The following ZFHX3 variants were observed in gnomAD, a reference collection of about 807,000 sequenced individuals.
ZFHX3 encodes zinc finger homeobox 3.
ZFHX3 carries 42 observed loss-of-function variants against 279.1 expected under a neutral mutation model. The observed-to-expected ratio is 0.15, with a 90% CI of 0.12 to 0.19. The LOEUF is 0.19. Among genes scored for constraint, ZFHX3 ranks in the 10% least tolerant of loss-of-function variants. The probability of loss-of-function intolerance (pLI) is 1.00; values close to 1 mark genes in which losing one functional copy is unlikely to be tolerated. For synonymous variants in ZFHX3, 2,293 were observed against 1,957.8 expected (o/e 1.17, Z -4.52); for missense variants, 4,981 against 4,754.0 (o/e 1.05, Z -1.40).
intron 5 of ZFHX3, among the ~76,000 whole-genome samples, chr16:72,824,396 TTAA>T (rs2036881440): frequency 6.6e-6 from 1 of 152,122 alleles, no homozygotes; most frequent in Non-Finnish European, 1.5e-5. Context: ...TTTAAAAAAA[TTAA>T]TAAAGTAAAA....
chr16:72,931,880 C>T (rs1959829358), intron 3 of ZFHX3, among the ~76,000 whole-genome samples: 1 of 152,134 alleles, frequency 6.6e-6, no homozygotes, highest in Non-Finnish European at 1.5e-5. Context: ...AAGCTGTTCC[C>T]CCTTTTACGA....
At chr16:73,086,584 G>A (rs911941313) in intron 8 of ZFHX3, among the ~76,000 whole-genome samples, 2 of 152,086 alleles carry the variant, frequency 1.3e-5, no homozygotes, top group Non-Finnish European at 2.9e-5. Flanking sequence ...ATGGACTATC[G>A]TTAGCAATAA....
At chr16:73,442,329 T>C (rs77901089) in intron 3 of ZFHX3, among the ~76,000 whole-genome samples, 3,551 of 152,122 alleles carry the variant, frequency 0.023, 139 homozygotes, top group African/African-American at 0.08. Context: ...TTGTACTGTC[T>C]TTCCTTTGTC....
intron 5 of ZFHX3, among the ~76,000 whole-genome samples, chr16:73,213,349 C>T (rs759223267): frequency 6.6e-5 from 10 of 152,318 alleles, no homozygotes; most frequent in Middle Eastern, 6.8e-3. Context: ...CCAAGTTTTC[C>T]TTTCCTTCTC....
At chr16:72,924,945 C>T (rs915886665) in intron 3 of ZFHX3, among the ~76,000 whole-genome samples, 3 of 152,142 alleles carry the variant, frequency 2.0e-5, no homozygotes, top group African/African-American at 4.8e-5. Flanking sequence ...GACCCAAAAA[C>T]GGAGAAGGCA....
rs753797109 is a variant in ZFHX3 at position 72,795,623 on chromosome 16, C to T, written c.7059G>A (p.Lys2353=). The T allele has an allele frequency of 4.8e-5, 77 of 1,613,530 alleles. No homozygotes were observed. Among genetic ancestry groups the T allele is most frequent in the Non-Finnish European group, 6.4e-5 (76 of 1,179,824 alleles). The change falls in exon 9 of 10, where the codon AAG becomes AAA. Residue 2353 remains lysine, a synonymous_variant. Coordinates refer to ENST00000268489, the MANE Select transcript of ZFHX3 (RefSeq NM_006885.4). ...LIKHQKKLCY[K]DEDEEGQDDS... ...CGTCCTGCCCCTCCTCATCCTCATC[C>T]TTGTAACACAGCTTCTTCTGGTGCT...
chr16:72,822,962 C>G (rs1685496859), intron 5 of ZFHX3, among the ~76,000 whole-genome samples: 1 of 152,152 alleles, frequency 6.6e-6, no homozygotes, highest in African/African-American at 2.4e-5. Context: ...CAGATATACA[C>G]CACAGCCTGT....
intron 1 of ZFHX3, among the ~76,000 whole-genome samples, chr16:73,873,019 G>T (rs543575260): frequency 5.5e-5 from 1 of 18,174 alleles, no homozygotes; most frequent in African/African-American, 3.5e-4. Context: ...GGTGGGTGGC[G>T]GGTGGTGAGT....
At chr16:73,451,039 C>T (rs1379254822) in intron 3 of ZFHX3, among the ~76,000 whole-genome samples, 1 of 152,080 alleles carries the variant, frequency 6.6e-6, no homozygotes, top group African/African-American at 2.4e-5. Flanking sequence ...GGTAGGCAAA[C>T]AGTACATGGG....
At chr16:73,611,101 T>G (rs1017182061) in intron 2 of ZFHX3, among the ~76,000 whole-genome samples, 12 of 152,242 alleles carry the variant, frequency 7.9e-5, no homozygotes, top group Admixed American at 7.2e-4. Context: ...TTGCTGATCT[T>G]ATTTTGTTTT....
intron 5 of ZFHX3, among the ~76,000 whole-genome samples, chr16:73,219,979 G>C (rs985332684): frequency 6.6e-6 from 1 of 152,036 alleles, no homozygotes; most frequent in African/African-American, 2.4e-5. Context: ...CTGGCTACTC[G>C]GGAGCCTGAG....
chr16:72,868,977 A>T (rs935683159), intron 4 of ZFHX3, among the ~76,000 whole-genome samples: 3 of 152,262 alleles, frequency 2.0e-5, no homozygotes, highest in Admixed American at 6.5e-5. Context: ...AAAAATCAGA[A>T]GGCTGTATTT....
At chr16:72,893,422 T>C (rs770068008) in intron 3 of ZFHX3, among the ~76,000 whole-genome samples, 1 of 152,214 alleles carries the variant, frequency 6.6e-6, no homozygotes, top group Non-Finnish European at 1.5e-5. Context: ...AAGAGAGGAA[T>C]AACATGGCCA....
At chr16:73,731,608 T>A (rs531822906) in intron 1 of ZFHX3, among the ~76,000 whole-genome samples, 2 of 151,534 alleles carry the variant, frequency 1.3e-5, no homozygotes, top group East Asian at 2.0e-4. Context: ...TCACTGCACT[T>A]TATAGCAGCT....
intron 5 of ZFHX3, among the ~76,000 whole-genome samples, chr16:73,210,212 G>A (rs1040122430): frequency 2.6e-5 from 4 of 151,980 alleles, no homozygotes; most frequent in African/African-American, 7.3e-5. Flanking sequence ...GTCTAAAATC[G>A]CCAAAAGATT....
intron 1 of ZFHX3, among the ~76,000 whole-genome samples, chr16:73,827,833 C>T (rs1960901075): frequency 7.8e-6 from 1 of 128,694 alleles, no homozygotes; most frequent in African/African-American, 3.1e-5. Context: ...ACTATGTGGT[C>T]AATTTTGGAA....
At chr16:73,129,490 C>T (rs1331166603) in intron 7 of ZFHX3, among the ~76,000 whole-genome samples, 2 of 151,688 alleles carry the variant, frequency 1.3e-5, no homozygotes, top group African/African-American at 2.4e-5. Context: ...TGAGGTGTAA[C>T]AGCCTTCTAT....
chr16:73,754,511 T>G (rs2053789812), intron 1 of ZFHX3, among the ~76,000 whole-genome samples: 1 of 151,880 alleles, frequency 6.6e-6, no homozygotes, highest in African/African-American at 2.4e-5. Context: ...CCACCGTCCT[T>G]GGGCCGACCT....
At chr16:73,225,215 CT>C (rs1029968581) in intron 5 of ZFHX3, among the ~76,000 whole-genome samples, 1 of 151,962 alleles carries the variant, frequency 6.6e-6, no homozygotes, top group Non-Finnish European at 1.5e-5. Context: ...TTAAAGAATC[CT>C]TTTTTTGGGA....
Sources: gnomAD v4.1 joint callset for allele counts (sites outside exome capture counted in the v4.1 genomes callset) on GRCh38, gnomAD v4.1.1 for gene constraint, MANE v1.5 for transcripts, NCBI Gene and HGNC (gene_info 2026-07-23, HGNC 2026-07-21) for gene names.